Variants in SUGCT observed in about 807,000 individuals in gnomAD.
The protein encoded by SUGCT is succinyl-CoA:glutarate CoA-transferase.
In SUGCT, 41 loss-of-function variants were observed where a neutral mutation model predicts 55.0. The ratio of observed to expected loss-of-function variants is 0.74; its 90% CI spans 0.58 to 0.97. The LOEUF (loss-of-function observed/expected upper bound fraction) is 0.97, where lower values mean the gene tolerates loss of function less well. Among genes scored for constraint, SUGCT ranks in the 50% least tolerant of loss-of-function variants. SUGCT has a pLI of 0.00. For synonymous variants in SUGCT, 187 were observed against 200.4 expected, an observed-to-expected ratio of 0.93 and a Z score of 0.56; for missense variants, 568 against 547.8, an observed-to-expected ratio of 1.04 and a Z score of -0.37.
intron 7 of SUGCT, among the ~76,000 whole-genome samples, chr7:40,251,874 A>G (rs1327927194): frequency 7.5e-6 from 1 of 134,104 alleles, no homozygotes; most frequent in Non-Finnish European, 1.7e-5. Flanking sequence ...CAAGTCCATA[A>G]CCTAAGTTTG....
At chr7:40,821,485 A>T (rs10260272) in intron 13 of SUGCT, among the ~76,000 whole-genome samples, 60,136 of 151,912 alleles carry the variant, frequency 0.4, 12,799 homozygotes, top group Middle Eastern at 0.56. Context: ...TTCCTGGTTT[A>T]GTCTTGGGAG....
chr7:41,002,435 A>G, the SUGCT span, among the ~76,000 whole-genome samples: 1 of 152,208 alleles, frequency 6.6e-6, no homozygotes, highest in East Asian at 1.9e-4. Flanking sequence ...TTTCTCAGCA[A>G]TGAGGCACAG....
At chr7:40,262,558 G>A (rs1791296011) in intron 7 of SUGCT, among the ~76,000 whole-genome samples, 1 of 151,496 alleles carries the variant, frequency 6.6e-6, no homozygotes, top group Non-Finnish European at 1.5e-5. Flanking sequence ...CCAGCTACTC[G>A]GGAGGCTGAG....
chr7:40,953,109 C>T, the SUGCT span, among the ~76,000 whole-genome samples: 1 of 152,208 alleles, frequency 6.6e-6, no homozygotes, highest in Non-Finnish European at 1.5e-5. Flanking sequence ...TAGATTTGGT[C>T]TTTTCACATA....
In SUGCT at chr7:40,292,334, T is replaced by G. The variant is rs1210333403; in HGVS notation, c.720+17678T>G. Among the ~76,000 whole-genome samples the G allele has an allele frequency of 2.0e-5, 3 of 152,172 alleles. No individual in the cohort carries two copies. The East Asian group carries it at 5.8e-4, about 29-fold the overall frequency. ...TCAGCCTTGCTCTAGAGTCTGTATT[T>G]TTTAAAGTTCCAGAAACACTGTCTT... On this transcript the variant is annotated intron_variant, in intron 8 of 13. Coordinates refer to ENST00000335693, the MANE Select transcript of SUGCT (RefSeq NM_001193313.2).
chr7:40,185,837 TG>T (rs1408866334), intron 3 of SUGCT, among the ~76,000 whole-genome samples: 1 of 152,162 alleles, frequency 6.6e-6, no homozygotes, highest in Non-Finnish European at 1.5e-5. Context: ...GTCCTTTTTT[TG>T]ACCAGTTACT....
intron 6 of SUGCT, among the ~76,000 whole-genome samples, chr7:40,218,681 A>C (rs1466473302): frequency 6.6e-6 from 1 of 150,634 alleles, no homozygotes; most frequent in Non-Finnish European, 1.5e-5. Context: ...GATTGTAAAC[A>C]CACCAATCAG....
the SUGCT span, among the ~76,000 whole-genome samples, chr7:40,929,874 T>C: frequency 6.6e-6 from 1 of 152,224 alleles, no homozygotes; most frequent in East Asian, 1.9e-4. Context: ...GTAGGTTGCC[T>C]ATTCACTCTG....
chr7:40,194,801 A>G lies in SUGCT; in HGVS notation c.364-139A>G, dbSNP rs1431987693. 26 of 976,318 alleles carry G rather than the reference A, an allele frequency of 2.7e-5. No homozygotes were observed. The East Asian group carries it at 3.8e-4, about 14-fold the overall frequency. 60.5% of individuals were successfully genotyped at this position (976,318 alleles called of 1,614,324 possible). A position where few individuals can be genotyped will look rare whatever the true frequency, so the allele number is the denominator to read the frequency against. ...CTTTAAGTAGTTGACTAGAACTTCT[A>G]TGTTTATCTAATTTGCTTCATCAGT... On this transcript the variant is annotated intron_variant, in intron 5 of 13. Transcript: ENST00000335693.
intron 12 of SUGCT, among the ~76,000 whole-genome samples, chr7:40,704,100 T>G (rs1785287792): frequency 6.6e-6 from 1 of 152,226 alleles, no homozygotes; most frequent in African/African-American, 2.4e-5. Flanking sequence ...GAGATTCTTA[T>G]TGTGAATCTC....
At chr7:40,856,157 A>G (rs1794159663) in intron 13 of SUGCT, among the ~76,000 whole-genome samples, 1 of 152,190 alleles carries the variant, frequency 6.6e-6, no homozygotes, top group African/African-American at 2.4e-5. Context: ...AGCTTTCTCT[A>G]TCTCTTTTAT....
chr7:41,033,057 G>A, the SUGCT span, among the ~76,000 whole-genome samples: 1 of 152,074 alleles, frequency 6.6e-6, no homozygotes, highest in South Asian at 2.1e-4. Flanking sequence ...CCACTGCGTG[G>A]GGCCAAAAAA....
intron 13 of SUGCT, among the ~76,000 whole-genome samples, chr7:40,859,704 G>A (rs909997074): frequency 2.6e-5 from 4 of 152,228 alleles, no homozygotes; most frequent in African/African-American, 9.6e-5. Context: ...ATGGTGTGAA[G>A]TTCAGCAATT....
chr7:41,009,937 C>A, the SUGCT span, among the ~76,000 whole-genome samples: 1 of 152,216 alleles, frequency 6.6e-6, no homozygotes, highest in Admixed American at 6.5e-5. Context: ...CACAAAGAAA[C>A]TTCCCTTGAG....
At chr7:40,571,062 G>T (rs887106180) in intron 12 of SUGCT, among the ~76,000 whole-genome samples, 7 of 151,428 alleles carry the variant, frequency 4.6e-5, no homozygotes, top group Admixed American at 1.3e-4. Context: ...TTTCTTTCTG[G>T]GCCTCAGTTT....
the SUGCT span, among the ~76,000 whole-genome samples, chr7:40,929,942 A>G: frequency 6.6e-6 from 1 of 152,076 alleles, no homozygotes; most frequent in Non-Finnish European, 1.5e-5. Flanking sequence ...CCATTTGTCA[A>G]TTTTGGCTTT....
chr7:40,226,422 CA>C (rs1398931039), intron 6 of SUGCT, among the ~76,000 whole-genome samples: 1 of 152,078 alleles, frequency 6.6e-6, no homozygotes, highest in Non-Finnish European at 1.5e-5. Flanking sequence ...AACTTTGGAC[CA>C]TTTGCTGACC....
chr7:40,168,535 C>G (rs1784527159), intron 1 of SUGCT, among the ~76,000 whole-genome samples: 1 of 152,154 alleles, frequency 6.6e-6, no homozygotes, highest in Admixed American at 6.5e-5. Flanking sequence ...AAATGTATGG[C>G]CTGCAGTGCA....
Position 40,765,021 on chromosome 7 carries a change from A to T in SUGCT, c.1153+15524A>T, listed in dbSNP as rs369194589. 7.2e-5 allele frequency among the ~76,000 whole-genome samples: 11 copies of T among 152,358 alleles called. No individual in the cohort carries two copies. The South Asian group carries it at 2.3e-3, about 32-fold the overall frequency. ...GTTTCATAATCTCCTTTGCCAGCTT[A>T]TAGCAGTAGAGTCCCTACATTCTCA... On this transcript the variant is annotated intron_variant, in intron 13 of 13. Transcript: ENST00000335693.
Sources: gnomAD v4.1 joint callset for allele counts (sites outside exome capture counted in the v4.1 genomes callset) on GRCh38, gnomAD v4.1.1 for gene constraint, MANE v1.5 for transcripts, NCBI Gene and HGNC (gene_info 2026-07-23, HGNC 2026-07-21) for gene names.